KAT6B: variants seen among roughly 807,000 people sequenced by gnomAD.
KAT6B encodes histone acetyltransferase KAT6B.
In KAT6B, 10 loss-of-function variants were observed where a neutral mutation model predicts 187.5. The ratio of observed to expected loss-of-function variants is 0.05; its 90% confidence interval spans 0.03 to 0.09. The LOEUF is 0.09. Among genes scored for constraint, KAT6B ranks in the 10% least tolerant of loss-of-function variants. The pLI, the probability that KAT6B is intolerant of heterozygous loss-of-function variation, is 1.00. For synonymous variants in KAT6B, 861 were observed against 926.8 expected (o/e 0.93, Z 1.29); for missense variants, 1,952 against 2,558.9 (o/e 0.76, Z 5.12).
intron 3 of KAT6B, among the ~76,000 whole-genome samples, chr10:74,903,029 A>G (rs990471468): frequency 8.5e-5 from 13 of 152,242 alleles, no homozygotes; most frequent in African/African-American, 1.4e-4. Context: ...GTAACAATGT[A>G]TAGCACTAAG....
In KAT6B at chr10:74,924,294, G is replaced by A. The variant is rs16931845; in HGVS notation, c.622-35676G>A. Among the ~76,000 whole-genome samples, 1,238 of 152,198 alleles carry A rather than the reference G, an allele frequency of 8.1e-3. 79 individuals are homozygous for A. In the East Asian group the frequency reaches 0.16, roughly 19 times the overall value. The stretch of plus-strand genomic sequence containing the variant: ...CACTGTAGATATCCTGGAATACTTC[G>A]TTAAAAACTATAAATAAAGTGGCCA... On this transcript the variant is annotated intron_variant, in intron 3 of 17. Transcript: ENST00000287239.
chr10:74,906,028 G>T (rs975987444), intron 3 of KAT6B, among the ~76,000 whole-genome samples: 5 of 152,118 alleles, frequency 3.3e-5, no homozygotes, highest in Non-Finnish European at 5.9e-5. Flanking sequence ...AATATGGTTT[G>T]TACACCATTA....
intron 3 of KAT6B, among the ~76,000 whole-genome samples, chr10:74,899,144 G>A (rs1043752370): frequency 1.1e-4 from 17 of 149,962 alleles, no homozygotes; most frequent in African/African-American, 3.4e-4. Flanking sequence ...CTGGGTGACA[G>A]AGCAGTACTC....
chr10:74,852,146 G>T (rs1206569766), intron 3 of KAT6B, among the ~76,000 whole-genome samples: 1 of 152,190 alleles, frequency 6.6e-6, no homozygotes, highest in Non-Finnish European at 1.5e-5. Flanking sequence ...TAATTATAGA[G>T]CCTGAATGTC....
intron 3 of KAT6B, among the ~76,000 whole-genome samples, chr10:74,913,824 C>T (rs753992024): frequency 9.9e-5 from 15 of 152,198 alleles, no homozygotes; most frequent in African/African-American, 3.4e-4. Flanking sequence ...TGCCCAGTGC[C>T]GGGGTCTCAT....
intron 3 of KAT6B, among the ~76,000 whole-genome samples, chr10:74,866,696 ATTG>A (rs141018734): frequency 0.035 from 5,280 of 152,282 alleles, 186 homozygotes; most frequent in East Asian, 0.13. Flanking sequence ...TCAGCTGGAT[ATTG>A]TTGTCTGCCA....
At chr10:74,874,689 T>C (rs1844274099) in intron 3 of KAT6B, among the ~76,000 whole-genome samples, 1 of 152,152 alleles carries the variant, frequency 6.6e-6, no homozygotes, top group Non-Finnish European at 1.5e-5. Context: ...CCTTTCTTAG[T>C]TGATTTCATA....
intron 3 of KAT6B, among the ~76,000 whole-genome samples, chr10:74,917,664 CTA>C (rs1417459167): frequency 1.1e-4 from 16 of 152,198 alleles, no homozygotes; most frequent in Non-Finnish European, 2.4e-4. Flanking sequence ...GGCCTTTGTA[CTA>C]TCTCCCTAGA....
At chr10:74,987,432 A>G (rs1212988943) in intron 12 of KAT6B, among the ~76,000 whole-genome samples, 2 of 152,140 alleles carry the variant, frequency 1.3e-5, no homozygotes, top group South Asian at 2.1e-4. Flanking sequence ...TCCATCTCAA[A>G]AAAAAAAAGA....
chr10:74,855,881 G>A (rs866146546), intron 3 of KAT6B, among the ~76,000 whole-genome samples: 57 of 152,124 alleles, frequency 3.7e-4, no homozygotes, highest in African/African-American at 1.3e-3. Context: ...ATGGGTGTGC[G>A]TATATATACA....
Position 75,012,896 on chromosome 10 carries a change from T to C in KAT6B, c.2630-7686T>C, listed in dbSNP as rs539588363. ...GGGAGTTGAAGGAAGACCATTCCAC[T>C]CTGGAATGGACTTGAAAGGATGGGG... is the stretch of plus-strand genomic sequence containing the variant. On this transcript the variant is annotated intron_variant, in intron 13 of 17. Transcript: ENST00000287239. Among the ~76,000 whole-genome samples, 4 of 152,150 alleles carry C rather than the reference T, an allele frequency of 2.6e-5. No individual in the cohort carries two copies. In the South Asian group the frequency reaches 8.3e-4, roughly 32 times the overall value.
chr10:74,987,219 AGGT>A (rs1267367737), intron 12 of KAT6B, among the ~76,000 whole-genome samples: 1 of 152,136 alleles, frequency 6.6e-6, no homozygotes, highest in African/African-American at 2.4e-5. Context: ...GCAGATCATG[AGGT>A]CAAGAGATCG....
At chr10:74,830,762 ATATATATT>A in intron 1 of KAT6B, among the ~76,000 whole-genome samples, 1 of 27,188 alleles carries the variant, frequency 3.7e-5, no homozygotes, top group East Asian at 1.1e-3. Flanking sequence ...ATATATATAT[ATATATATT>A]TTTTTTTTTT....
chr10:75,012,600 C>G (rs1002013987), intron 13 of KAT6B, among the ~76,000 whole-genome samples: 4 of 152,214 alleles, frequency 2.6e-5, no homozygotes, highest in African/African-American at 4.8e-5. Context: ...CCACAGAGGT[C>G]TACGCTTCTC....
chr10:74,964,239 G>A (rs1841306228), intron 4 of KAT6B, among the ~76,000 whole-genome samples: 1 of 152,194 alleles, frequency 6.6e-6, no homozygotes, highest in Non-Finnish European at 1.5e-5. Context: ...CCAAAGAGAT[G>A]TAACTTCACT....
intron 13 of KAT6B, among the ~76,000 whole-genome samples, chr10:75,003,840 G>A (rs369499631): frequency 2.0e-5 from 3 of 152,204 alleles, no homozygotes; most frequent in South Asian, 2.1e-4. Flanking sequence ...GAGACAGTGC[G>A]GCTAACGATT....
intron 3 of KAT6B, among the ~76,000 whole-genome samples, chr10:74,907,586 G>A (rs1321108933): frequency 6.6e-6 from 1 of 151,988 alleles, no homozygotes; most frequent in Non-Finnish European, 1.5e-5. Flanking sequence ...GAGTGCAATG[G>A]CATGGTCTCG....
intron 3 of KAT6B, among the ~76,000 whole-genome samples, chr10:74,892,984 G>C (rs1163433064): frequency 6.6e-6 from 1 of 152,242 alleles, no homozygotes; most frequent in Non-Finnish European, 1.5e-5. Flanking sequence ...GGTCTACATG[G>C]AGGACAGCTG....
intron 3 of KAT6B, among the ~76,000 whole-genome samples, chr10:74,922,308 A>G (rs1160067580): frequency 1.3e-5 from 2 of 152,238 alleles, no homozygotes; most frequent in Non-Finnish European, 2.9e-5. Flanking sequence ...CAAATTTGAT[A>G]AAGCTCTAGA....
Sources: gnomAD v4.1 joint callset for allele counts (sites outside exome capture counted in the v4.1 genomes callset) on GRCh38, gnomAD v4.1.1 for gene constraint, MANE v1.5 for transcripts, NCBI Gene and HGNC (gene_info 2026-07-23, HGNC 2026-07-21) for gene names.